Variants in ZNF385D observed in about 807,000 individuals in gnomAD.
ZNF385D encodes zinc finger protein 385D.
Under a neutral mutation model 35.8 loss-of-function variants are expected in ZNF385D, and 15 were observed. That is an observed-to-expected ratio of 0.42 (90% CI 0.28 to 0.64). The LOEUF is 0.64. Among genes scored for constraint, ZNF385D ranks in the 30% least tolerant of loss-of-function variants. The pLI is 0.23. For missense variants in ZNF385D, 474 were observed against 494.6 expected (o/e 0.96, Z 0.39); for synonymous variants, 212 against 186.8 (o/e 1.13, Z -1.10).
In ZNF385D at chr3:22,341,997, C is replaced by T. The variant is rs150290331; in HGVS notation, c.106+30453G>A. ...AATGAATTAAAAGACTGAATGAGGC[C>T]GGGCGCGGTGGCTCACGTCTGTAAT... is the stretch of plus-strand genomic sequence containing the variant. On this transcript the variant is annotated intron_variant, in intron 2 of 5. Transcript: ENST00000494108. 2.4e-3 allele frequency among the ~76,000 whole-genome samples: 361 copies of T among 152,044 alleles called. 1 individual carries two copies. The highest frequency in any genetic ancestry group is 7.7e-3 in the African/African-American group (320 of 41,482).
At chr3:21,494,256 G>T (rs923178857) in intron 4 of ZNF385D, among the ~76,000 whole-genome samples, 1 of 152,086 alleles carries the variant, frequency 6.6e-6, no homozygotes, top group African/African-American at 2.4e-5. Flanking sequence ...TCTCTTACCA[G>T]CTCCCATGCA....
intron 2 of ZNF385D, among the ~76,000 whole-genome samples, chr3:21,626,528 A>C (rs2125825401): frequency 1.3e-5 from 2 of 152,218 alleles, no homozygotes; most frequent in Middle Eastern, 3.4e-3. Context: ...GTCTGATTTC[A>C]GGTAGAGATC....
At chr3:22,141,565 A>G (rs1221654325) in intron 3 of ZNF385D, among the ~76,000 whole-genome samples, 1 of 152,178 alleles carries the variant, frequency 6.6e-6, no homozygotes, top group Non-Finnish European at 1.5e-5. Context: ...CATGGACTTC[A>G]GCCTTAAGGG....
chr3:21,795,618 G>A (rs1484329066), intron 3 of ZNF385D, among the ~76,000 whole-genome samples: 1 of 152,212 alleles, frequency 6.6e-6, no homozygotes. Context: ...TATTTCCATG[G>A]AAGAGAAGGT....
chr3:21,495,186 A>T (rs989013458), intron 4 of ZNF385D, among the ~76,000 whole-genome samples: 3 of 152,132 alleles, frequency 2.0e-5, no homozygotes, highest in Admixed American at 2.0e-4. Context: ...GAGTTCCATC[A>T]GTCAGACTCA....
chr3:21,739,462 C>T (rs138303112), intron 1 of ZNF385D, among the ~76,000 whole-genome samples: 95 of 152,244 alleles, frequency 6.2e-4, no homozygotes, highest in African/African-American at 2.2e-3. Flanking sequence ...CAGCCGCCCT[C>T]ATAAGTTGTT....
At chr3:21,463,967 C>T (rs1039876963) in intron 4 of ZNF385D, among the ~76,000 whole-genome samples, 13 of 151,902 alleles carry the variant, frequency 8.6e-5, no homozygotes, top group African/African-American at 3.1e-4. Context: ...GGCTGTATCA[C>T]ACATATACAT....
Position 22,008,360 on chromosome 3 carries a change from C to CATTTTTTTTTTTTTTTTTTTTTTTTTT in ZNF385D, c.325+160456_325+160457insAAAAAAAAAAAAAAAAAAAAAAAAAAT, listed in dbSNP as rs773952386. On this transcript the variant is annotated intron_variant, in intron 3 of 5. Transcript: ENST00000494108. ...TCACTTTCATACAGGCCATGATTTT[C>CATTTTTTTTTTTTTTTTTTTTTTTTTT]TTTTTTTTTTTTGAGGCGGAGTCTC... Among the ~76,000 whole-genome samples, 2 of 131,938 alleles carry CATTTTTTTTTTTTTTTTTTTTTTTTTT rather than the reference C, an allele frequency of 1.5e-5. 1 individual carries two copies. Among genetic ancestry groups the CATTTTTTTTTTTTTTTTTTTTTTTTTT allele is most frequent in the African/African-American group, 6.0e-5 (2 of 33,070 alleles). 86.6% of individuals were successfully genotyped at this position (131,938 alleles called of 152,430 possible). A position where few individuals can be genotyped will look rare whatever the true frequency, so the allele number is the denominator to read the frequency against.
At chr3:22,120,076 T>G (rs546563439) in intron 3 of ZNF385D, among the ~76,000 whole-genome samples, 27 of 151,694 alleles carry the variant, frequency 1.8e-4, no homozygotes, top group Admixed American at 1.8e-3. Context: ...AGCACTCAAT[T>G]CATTCAACCT....
chr3:22,351,063 G>A (rs1695893180), intron 2 of ZNF385D, among the ~76,000 whole-genome samples: 1 of 151,904 alleles, frequency 6.6e-6, no homozygotes, highest in Admixed American at 6.6e-5. Flanking sequence ...TGTCAGTAAA[G>A]GACAATTCAC....
At chr3:22,216,733 C>T (rs1240096756) in intron 2 of ZNF385D, among the ~76,000 whole-genome samples, 6 of 152,034 alleles carry the variant, frequency 3.9e-5, no homozygotes, top group Non-Finnish European at 5.9e-5. Flanking sequence ...CTAAGGCACT[C>T]GGAGGGACCA....
chr3:22,153,957 G>C (rs2125725454), intron 3 of ZNF385D, among the ~76,000 whole-genome samples: 1 of 152,108 alleles, frequency 6.6e-6, no homozygotes, highest in East Asian at 1.9e-4. Context: ...CCCTCTGTTA[G>C]TTCACATGTT....
intron 2 of ZNF385D, among the ~76,000 whole-genome samples, chr3:22,370,046 T>C (rs1177839567): frequency 6.6e-6 from 1 of 152,226 alleles, no homozygotes; most frequent in African/African-American, 2.4e-5. Flanking sequence ...AACATTTTCA[T>C]TATTGAACTT....
chr3:21,875,197 CAG>C (rs1248974827), intron 3 of ZNF385D, among the ~76,000 whole-genome samples: 3 of 152,032 alleles, frequency 2.0e-5, no homozygotes, highest in African/African-American at 4.8e-5. Context: ...CATCTAGAAA[CAG>C]AGATAATTTT....
At chr3:21,974,818 T>C (rs1024039734) in intron 3 of ZNF385D, among the ~76,000 whole-genome samples, 1 of 152,136 alleles carries the variant, frequency 6.6e-6, no homozygotes, top group African/African-American at 2.4e-5. Flanking sequence ...TATAAAAGTG[T>C]GCACAACATC....
At chr3:22,124,993 A>G (rs2125673786) in intron 3 of ZNF385D, among the ~76,000 whole-genome samples, 1 of 152,284 alleles carries the variant, frequency 6.6e-6, no homozygotes. Flanking sequence ...ATATTTTCCC[A>G]GACCAACATC....
At chr3:21,702,760 C>T (rs981126808) in intron 1 of ZNF385D, among the ~76,000 whole-genome samples, 1 of 152,176 alleles carries the variant, frequency 6.6e-6, no homozygotes, top group African/African-American at 2.4e-5. Flanking sequence ...GTTCAAAGTT[C>T]CACAAATCTC....
intron 4 of ZNF385D, among the ~76,000 whole-genome samples, chr3:21,483,111 A>G (rs1255208903): frequency 6.6e-6 from 1 of 152,160 alleles, no homozygotes; most frequent in African/African-American, 2.4e-5. Context: ...AGACTGCTAT[A>G]TTGCTCCAAA....
chr3:21,683,384 C>A (rs189794137), intron 1 of ZNF385D, among the ~76,000 whole-genome samples: 2 of 149,570 alleles, frequency 1.3e-5, no homozygotes, highest in East Asian at 2.0e-4. Context: ...TTTGGGAGGC[C>A]GAGTTGGGTG....
Sources: allele counts gnomAD v4.1 joint callset (sites outside exome capture counted in the v4.1 genomes callset), GRCh38; gene constraint gnomAD v4.1.1; transcripts MANE v1.5; gene names NCBI Gene and HGNC (gene_info 2026-07-23, HGNC 2026-07-21).